Variants in GSK3B observed in about 807,000 individuals in gnomAD.
GSK3B encodes glycogen synthase kinase 3 beta.
In GSK3B, 15 loss-of-function variants were observed where a neutral mutation model predicts 56.4. The observed-to-expected ratio is 0.27, with a 90% CI of 0.18 to 0.41. The LOEUF (loss-of-function observed/expected upper bound fraction) is 0.41. Among genes scored for constraint, GSK3B ranks in the 10% least tolerant of loss-of-function variants. The pLI is 1.00. For missense variants in GSK3B, 300 were observed against 513.4 expected, an observed-to-expected ratio of 0.58 and a Z score of 4.02; for synonymous variants, 181 against 188.9, an observed-to-expected ratio of 0.96 and a Z score of 0.34.
At chr3:119,991,073 T>C (rs965237110) in intron 2 of GSK3B, among the ~76,000 whole-genome samples, 4 of 152,102 alleles carry the variant, frequency 2.6e-5, no homozygotes, top group Non-Finnish European at 5.9e-5. Flanking sequence ...AACCTATGAC[T>C]CACTTCAAAG....
intron 1 of GSK3B, among the ~76,000 whole-genome samples, chr3:120,031,275 T>A (rs762963300): frequency 7.2e-5 from 11 of 152,198 alleles, no homozygotes; most frequent in Non-Finnish European, 1.2e-4. Flanking sequence ...TTTTCATTAA[T>A]AAAATAGTTG....
At chr3:120,086,274 T>C (rs78984101) in intron 1 of GSK3B, among the ~76,000 whole-genome samples, 3,942 of 151,544 alleles carry the variant, frequency 0.026, 174 homozygotes, top group African/African-American at 0.089. Flanking sequence ...TAAATGTAGA[T>C]GGACAATGGA....
In GSK3B at chr3:119,923,407, C is replaced by T. The variant is rs757429682; in HGVS notation, c.443G>A (p.Arg148Gln). ...TVYRVARHYSRAKQTLPVIYV... is the reference protein window; with the variant it reads ...TVYRVARHYSQAKQTLPVIYV... ...AATCACAGGGAGCGTCTGTTTGGCT[C>T]GACTATAGTGTCTGGCAACTCTGTA... The change falls in exon 4 of 11, where the codon CGA (arginine) becomes CAA (glutamine). Residue 148 changes from arginine to glutamine, a missense_variant. Transcript: ENST00000264235. 1.3e-6 allele frequency: 2 copies of T among 1,599,340 alleles called. No homozygotes were observed. Among genetic ancestry groups the T allele is most frequent in the Non-Finnish European group, 1.7e-6 (2 of 1,168,034 alleles).
chr3:120,040,952 T>C (rs2058060639), intron 1 of GSK3B, among the ~76,000 whole-genome samples: 1 of 151,994 alleles, frequency 6.6e-6, no homozygotes, highest in African/African-American at 2.4e-5. Context: ...CCAGCCTAAG[T>C]ATCCCTCCTT....
intron 1 of GSK3B, among the ~76,000 whole-genome samples, chr3:120,079,465 G>T (rs1234433796): frequency 6.6e-6 from 1 of 151,500 alleles, no homozygotes; most frequent in Non-Finnish European, 1.5e-5. Context: ...TGCAGTATCG[G>T]CTCATTGCAA....
intron 3 of GSK3B, among the ~76,000 whole-genome samples, chr3:119,928,046 G>A (rs2056905031): frequency 6.6e-6 from 1 of 152,182 alleles, no homozygotes; most frequent in African/African-American, 2.4e-5. Context: ...GGAAAAAGAG[G>A]TTTCAGACCA....
rs2055421880 is a variant in GSK3B at position 119,822,270 on chromosome 3, A to AT, written c.*4517_*4518insA. ...ATATATATATATATATATATATAAT[A>AT]AATTTTGTTTTTTAGGTTTGTTTTT... On this transcript the variant is annotated 3_prime_UTR_variant, in exon 11 of 11. Transcript: ENST00000264235. 4 of 174,416 alleles carry AT rather than the reference A, an allele frequency of 2.3e-5. No individual in the cohort carries two copies. The highest frequency in any genetic ancestry group is 3.6e-5 in the Non-Finnish European group (3 of 82,372). The allele number at this position is 174,416 out of a possible 1,614,324, so 10.8% of individuals were successfully genotyped here.
chr3:119,939,427 A>G (rs978815874), intron 3 of GSK3B, among the ~76,000 whole-genome samples: 1 of 152,212 alleles, frequency 6.6e-6, no homozygotes, highest in Admixed American at 6.5e-5. Flanking sequence ...GCCATGTTAT[A>G]TTAGGGATGG....
At position 120,026,791 on chromosome 3, in the gene GSK3B, C is replaced by G. The variant is rs143808260; in HGVS notation, c.89-24552G>C. On this transcript the variant is annotated intron_variant, in intron 1 of 10. Coordinates refer to ENST00000264235, the MANE Select transcript of GSK3B (RefSeq NM_001146156.2). ...CACACTGGTCTTGAACTCCTGACCT[C>G]GAGTGATCCACCCACCTCGGCCTCC... is the stretch of plus-strand genomic sequence containing the variant. 2.6e-3 allele frequency among the ~76,000 whole-genome samples: 394 copies of G among 151,954 alleles called. 1 individual carries two copies. The highest frequency in any genetic ancestry group is 4.7e-3 in the Admixed American group (72 of 15,262).
At chr3:119,924,810 T>C (rs2056875275) in intron 3 of GSK3B, among the ~76,000 whole-genome samples, 1 of 152,214 alleles carries the variant, frequency 6.6e-6, no homozygotes, top group Non-Finnish European at 1.5e-5. Context: ...CAGTTAAGTA[T>C]TGTCTATGGC....
chr3:119,952,413 G>A (rs754928343), intron 2 of GSK3B, among the ~76,000 whole-genome samples: 3 of 151,024 alleles, frequency 2.0e-5, no homozygotes, highest in African/African-American at 2.4e-5. Flanking sequence ...GCTTGAGCCC[G>A]GGAGGCAGAG....
At position 120,076,605 on chromosome 3, in the gene GSK3B, G is replaced by A. The variant is rs534455273; in HGVS notation, c.88+16742C>T. On this transcript the variant is annotated intron_variant, in intron 1 of 10. Coordinates refer to ENST00000264235, the MANE Select transcript of GSK3B (RefSeq NM_001146156.2). ...CCGAGACGGGCGGATCACGAGGTCAGGAGATCGAGACCATCCTGGCTAACA... is the reference window on the plus strand; with the variant it reads ...CCGAGACGGGCGGATCACGAGGTCAAGAGATCGAGACCATCCTGGCTAACA... Among the ~76,000 whole-genome samples the A allele has an allele frequency of 3.9e-5, 6 of 152,000 alleles. No individual in the cohort carries two copies. In the East Asian group the frequency reaches 1.2e-3, roughly 29 times the overall value.
At chr3:120,062,109 T>C (rs1370840049) in intron 1 of GSK3B, among the ~76,000 whole-genome samples, 1 of 152,234 alleles carries the variant, frequency 6.6e-6, no homozygotes, top group Non-Finnish European at 1.5e-5. Flanking sequence ...TTCTAATTTT[T>C]AACAATTTGG....
chr3:119,924,157 T>C (rs547595256), intron 3 of GSK3B, among the ~76,000 whole-genome samples: 49 of 152,362 alleles, frequency 3.2e-4, no homozygotes, highest in African/African-American at 1.1e-3. Flanking sequence ...TAAATATCCA[T>C]GCTCTGCAGC....
intron 9 of GSK3B, among the ~76,000 whole-genome samples, chr3:119,859,507 C>A (rs60675046): frequency 7.7e-4 from 117 of 152,152 alleles, no homozygotes; most frequent in Non-Finnish European, 1.5e-3. Context: ...GAAAGAAATA[C>A]AAACTTTTGA....
Position 119,971,601 on chromosome 3 carries a change from ATTTTTTTTTTTT to A in GSK3B, c.283-24262_283-24251del, listed in dbSNP as rs751790636. Among the ~76,000 whole-genome samples, 19 of 83,856 alleles carry A rather than the reference ATTTTTTTTTTTT, an allele frequency of 2.3e-4. No individual in the cohort carries two copies. In the South Asian group the frequency reaches 6.6e-3, roughly 29 times the overall value. The allele number at this position is 83,856 out of a possible 152,430, so 55.0% of individuals were successfully genotyped here. A position where few individuals can be genotyped will look rare whatever the true frequency, so the allele number is the denominator to read the frequency against. On this transcript the variant is annotated intron_variant, in intron 2 of 10. Coordinates refer to ENST00000264235, the MANE Select transcript of GSK3B (RefSeq NM_001146156.2). Reference sequence around the variant, plus strand: ...ATTGATACTTAAACTATTTGCAATAATTTTTTTTTTTTTTTTTTTTTTTTTTTTGAGACGGAG... The same window carrying A: ...ATTGATACTTAAACTATTTGCAATAATTTTTTTTTTTTTTTTGAGACGGAG...
rs2055419207 is a variant in GSK3B, at chr3:119,822,181, CCTTTAT to C, written c.*4601_*4606del. On this transcript the variant is annotated 3_prime_UTR_variant, in exon 11 of 11. Transcript: ENST00000264235. ...ATAATGTTATACAGATTTTGCTTTT[CCTTTAT>C]ATCAAGACAGATTTGCACAAGTGTT... The C allele has an allele frequency of 5.3e-6, 1 of 187,486 alleles. No individual in the cohort carries two copies. Among genetic ancestry groups the C allele is most frequent in the Non-Finnish European group, 1.1e-5 (1 of 90,138 alleles). 11.6% of individuals were successfully genotyped at this position (187,486 alleles called of 1,614,324 possible).
chr3:119,837,247 C>G (rs552278569), intron 10 of GSK3B, among the ~76,000 whole-genome samples: 1 of 152,060 alleles, frequency 6.6e-6, no homozygotes. Flanking sequence ...CTCCGCCTCC[C>G]GGGTTCACGC....
intron 9 of GSK3B, among the ~76,000 whole-genome samples, chr3:119,859,041 A>C (rs1037031653): frequency 1.3e-5 from 2 of 152,166 alleles, no homozygotes; most frequent in Admixed American, 6.6e-5. Flanking sequence ...AAAAGCTCTA[A>C]ATATTGCAAG....
Sources: gnomAD v4.1 joint callset for allele counts (sites outside exome capture counted in the v4.1 genomes callset) on GRCh38, gnomAD v4.1.1 for gene constraint, MANE v1.5 for transcripts, NCBI Gene and HGNC (gene_info 2026-07-23, HGNC 2026-07-21) for gene names.